Variants in FXR2 observed in about 807,000 individuals in gnomAD.
The protein encoded by FXR2 is RNA-binding protein FXR2.
In FXR2, 9 loss-of-function variants were observed where a neutral mutation model predicts 87.3. The ratio of observed to expected loss-of-function variants is 0.10; its 90% CI spans 0.06 to 0.18. The LOEUF is 0.18. FXR2 is among the 10% of genes least tolerant of loss of function. FXR2 has a pLI of 1.00. For missense variants in FXR2, 661 were observed against 893.6 expected, an observed-to-expected ratio of 0.74 and a Z score of 3.32; for synonymous variants, 331 against 328.3, an observed-to-expected ratio of 1.01 and a Z score of -0.09.
rs1246138079 is a variant in FXR2 at position 7,593,087 on chromosome 17, G to C, written c.1425C>G (p.Thr475=). 6.3e-7 allele frequency: 1 copy of C among 1,593,158 alleles called. No homozygotes were observed. The highest frequency in any genetic ancestry group is 1.1e-5 in the South Asian group (1 of 88,394). The change falls in exon 13 of 17, where the codon ACC becomes ACG. Residue 475 remains threonine (T), a synonymous_variant. Transcript: ENST00000250113. The surrounding 1 kb of genome is among the most constrained non-coding windows in gnomAD (Gnocchi z 6.1). ...GCCGCCTCCGGCTTTCTTCCCCTCG[G>C]GTTGGGGGATCCCTGTCGCCAGGCC... The part of the protein sequence containing the change: ...RAGPGDRDPP[T]RGEESRRRPT...
At chr17:7,602,150 G>C (rs574746133) in intron 6 of FXR2, among the ~76,000 whole-genome samples, 1 of 152,272 alleles carries the variant, frequency 6.6e-6, no homozygotes, top group Middle Eastern at 3.4e-3. Flanking sequence ...GAGGCCGGGC[G>C]TGGTGGCTCA....
intron 6 of FXR2, 134 bp downstream of exon 6, chr17:7,602,775 T>A: frequency 1.7e-6 from 1 of 578,070 alleles, no homozygotes; most frequent in Non-Finnish European, 3.1e-6. Flanking sequence ...CCTGTAGGAG[T>A]CAGGAGCAAT....
At chr17:7,602,279 G>C (rs965153728) in intron 6 of FXR2, among the ~76,000 whole-genome samples, 1 of 150,402 alleles carries the variant, frequency 6.6e-6, no homozygotes, top group Admixed American at 6.6e-5. Flanking sequence ...AAAATTAGCC[G>C]GGCATGTCGG....
At position 7,593,071 on chromosome 17, in the gene FXR2, G is replaced by A. The variant is rs766691490; in HGVS notation, c.1441C>T (p.Arg481Trp). The A allele has an allele frequency of 1.1e-5, 17 of 1,591,198 alleles. No individual in the cohort carries two copies. The highest frequency in any genetic ancestry group is 9.0e-5 in the East Asian group (4 of 44,654). Residue 481 changes from arginine to tryptophan, a missense_variant, in exon 13 of 17, where the codon CGG (arginine) becomes TGG (tryptophan). By Grantham distance (101) the Arg-to-Trp change is moderately radical. This residue lies in a region of FXR2 where 409 missense variants were observed against 432.0 expected (regional missense o/e 0.95). Transcript: ENST00000250113. The surrounding 1 kb of genome is among the most constrained non-coding windows in gnomAD (Gnocchi z 6.1). ...CCCCGGCCCCCAGTCGGCCGCCTCC[G>A]GCTTTCTTCCCCTCGGGTTGGGGGA... is the stretch of plus-strand genomic sequence containing the variant. ...RDPPTRGEES[R>W]RRPTGGRGRG...
chr17:7,609,992 A>ATGCATATGTATACATATATATACG (rs2071845064), intron 1 of FXR2, among the ~76,000 whole-genome samples: 1 of 140,004 alleles, frequency 7.1e-6, no homozygotes, highest in African/African-American at 2.6e-5. Context: ...ATATATATAC[A>ATGCATATGTATACATATATATACG]TGTATATGTA....
At position 7,591,861 on chromosome 17, in the gene FXR2, T is replaced by A; in HGVS notation, c.1991A>T (p.Glu664Val). The change falls in exon 17 of 17, where the codon GAG becomes GTG. Residue 664 changes from glutamate to valine, a missense_variant. By Grantham distance (121) the Glu-to-Val change is moderately radical. Coordinates refer to ENST00000250113, the MANE Select transcript of FXR2 (RefSeq NM_004860.4). The surrounding 1 kb of genome is among the most constrained non-coding windows in gnomAD (Gnocchi z 4.0). ...SENGELSAPLELGSMVNGVS is the reference protein window; with the variant it reads ...SENGELSAPLVLGSMVNGVS ...AACCCCATTCACCATACTACCCAAC[T>A]CCAAGGGGGCGGAGAGCTCCCCATT... The A allele has an allele frequency of 6.2e-7, 1 of 1,601,670 alleles. No homozygotes were observed.
chr17:7,593,482 G>C lies in FXR2; in HGVS notation c.1251C>G (p.Ser417=), dbSNP rs1399357685. 6.3e-7 allele frequency: 1 copy of C among 1,588,898 alleles called. No individual in the cohort carries two copies. Among genetic ancestry groups the C allele is most frequent in the Non-Finnish European group, 8.6e-7 (1 of 1,169,072 alleles). The stretch of plus-strand genomic sequence containing the variant: ...CATAGGTTCGAGTCGCATGGAGGGA[G>C]GAGGAGGAGCTCTCATCAGTGCTAT... ...AGYSTDESSS[S]SLHATRTYGG... The change falls in exon 12 of 17, where the codon TCC becomes TCG. Residue 417 remains serine (S), a synonymous_variant. Transcript: ENST00000250113. The surrounding 1 kb of genome is among the most constrained non-coding windows in gnomAD (Gnocchi z 6.1).
Position 7,593,939 on chromosome 17 carries a change from C to A in FXR2, c.1086G>T (p.Glu362Asp). The A allele has an allele frequency of 6.2e-7, 1 of 1,610,470 alleles. No individual in the cohort carries two copies. Among genetic ancestry groups the A allele is most frequent in the Non-Finnish European group, 8.5e-7 (1 of 1,176,708 alleles). Residue 362 changes from glutamate (E) to aspartate (D), a missense_variant, in exon 11 of 17, where the codon GAG (glutamate) becomes GAT (aspartate). Coordinates refer to ENST00000250113, the MANE Select transcript of FXR2 (RefSeq NM_004860.4). The surrounding 1 kb of genome is among the most constrained non-coding windows in gnomAD (Gnocchi z 6.1). ...ENISNAQALL[E>D]YHLSYLQEVE... Reference sequence around the variant, plus strand: ...GTACCTGCAGGTAGGAGAGGTGATACTCCAGCAAAGCCTGGGCATTGCTGA... The same window carrying A: ...GTACCTGCAGGTAGGAGAGGTGATAATCCAGCAAAGCCTGGGCATTGCTGA...
At chr17:7,603,457 G>A (rs1446747017) in intron 5 of FXR2, among the ~76,000 whole-genome samples, 5 of 151,360 alleles carry the variant, frequency 3.3e-5, no homozygotes, top group Admixed American at 1.3e-4. Context: ...AACCTAGGAG[G>A]TGGAGGTTGC....
chr17:7,613,953 G>C lies in FXR2; in HGVS notation c.81+499C>G, dbSNP rs146024104. 2.3e-5 allele frequency: 10 copies of C among 436,278 alleles called. No individual in the cohort carries two copies. In the Admixed American group the frequency reaches 2.5e-4, roughly 11 times the overall value. The allele number at this position is 436,278 out of a possible 1,614,324, so 27.0% of individuals were successfully genotyped here. A position where few individuals can be genotyped will look rare whatever the true frequency, so the allele number is the denominator to read the frequency against. The stretch of plus-strand genomic sequence containing the variant: ...TGGCTTGGGAACCGGAATATAAGAT[G>C]AAAGTGGGGTGAGTGTTCCAGAGCC... On this transcript the variant is annotated intron_variant, in intron 1 of 16. Coordinates refer to ENST00000250113, the MANE Select transcript of FXR2 (RefSeq NM_004860.4).
Position 7,592,972 on chromosome 17 carries a change from G to A in FXR2, c.1528+12C>T. On this transcript the variant is annotated intron_variant, in intron 13 of 16. Transcript: ENST00000250113. This position sits in a 1 kb window ranked among gnomAD's most constrained non-coding sequence, Gnocchi z 4.8. ...CTTTTGGCCCATATTCATGAACCCA[G>A]CTGTCTGGTACCTGAGCTAATAGAT... 2 of 1,557,894 alleles carry A rather than the reference G, an allele frequency of 1.3e-6. No homozygotes were observed. The highest frequency in any genetic ancestry group is 8.7e-7 in the Non-Finnish European group (1 of 1,153,808).
Position 7,593,742 on chromosome 17 carries a change from A to G in FXR2, c.1108-117T>C. 1.2e-6 allele frequency: 1 copy of G among 847,954 alleles called. No homozygotes were observed. The allele number at this position is 847,954 out of a possible 1,614,324, so 52.5% of individuals were successfully genotyped here. ...ACCTCTCAGGAATGCAGGGAGAAGG[A>G]AGACACTGGCTAAACAAGGAAAATT... is the stretch of plus-strand genomic sequence containing the variant. On this transcript the variant is annotated intron_variant, in intron 11 of 16. Coordinates refer to ENST00000250113, the MANE Select transcript of FXR2 (RefSeq NM_004860.4). The surrounding 1 kb of genome is among the most constrained non-coding windows in gnomAD (Gnocchi z 6.1).
intron 1 of FXR2, chr17:7,614,018 T>C: frequency 4.4e-6 from 2 of 458,362 alleles, no homozygotes; most frequent in Non-Finnish European, 8.7e-6. Flanking sequence ...AAAGGATCTT[T>C]TACGGGACAG....
At chr17:7,603,623 A>G in intron 5 of FXR2, 134 bp downstream of exon 5, 1 of 700,366 alleles carries the variant, frequency 1.4e-6, no homozygotes, top group East Asian at 2.6e-5. Context: ...GTGTCTTCTT[A>G]GCAAGAAGGG....
In FXR2 at chr17:7,593,274, C is replaced by T; in HGVS notation, c.1331-93G>A. 8.1e-7 allele frequency: 1 copy of T among 1,234,808 alleles called. No individual in the cohort carries two copies. Among genetic ancestry groups the T allele is most frequent in the Non-Finnish European group, 1.1e-6 (1 of 897,382 alleles). The allele number at this position is 1,234,808 out of a possible 1,614,324, so 76.5% of individuals were successfully genotyped here. A position where few individuals can be genotyped will look rare whatever the true frequency, so the allele number is the denominator to read the frequency against. ...CTGGAAGAATTCTCCTTCTCACTCA[C>T]AAGCCTCCCAGCCAATCAATCACTT... On this transcript the variant is annotated intron_variant, in intron 12 of 16. Transcript: ENST00000250113. The surrounding 1 kb of genome is among the most constrained non-coding windows in gnomAD (Gnocchi z 6.1).
At chr17:7,614,104 G>C (rs189746071) in intron 1 of FXR2, 1 of 527,426 alleles carries the variant, frequency 1.9e-6, no homozygotes, top group Non-Finnish European at 3.6e-6. Context: ...ATGTGATTAA[G>C]GTCTAAGGTA....
chr17:7,599,085 G>A (rs1022507305), intron 7 of FXR2, among the ~76,000 whole-genome samples: 1 of 151,516 alleles, frequency 6.6e-6, no homozygotes, highest in African/African-American at 2.4e-5. Context: ...TGCAGGGAGC[G>A]GAGATTGTGC....
chr17:7,594,053 G>C lies in FXR2; in HGVS notation c.1021-49C>G. On this transcript the variant is annotated intron_variant, in intron 10 of 16. Coordinates refer to ENST00000250113, the MANE Select transcript of FXR2 (RefSeq NM_004860.4). This position sits in a 1 kb window ranked among gnomAD's most constrained non-coding sequence, Gnocchi z 5.1. ...ATGGATCAGAAAGGAAAATGAAATGGAAGGATTAACGCCGCCCAGTCTCCT... is the reference window on the plus strand; with the variant it reads ...ATGGATCAGAAAGGAAAATGAAATGCAAGGATTAACGCCGCCCAGTCTCCT... The C allele has an allele frequency of 1.6e-6, 2 of 1,279,744 alleles. No individual in the cohort carries two copies. Among genetic ancestry groups the C allele is most frequent in the Non-Finnish European group, 2.3e-6 (2 of 874,720 alleles). The allele number at this position is 1,279,744 out of a possible 1,614,324, so 79.3% of individuals were successfully genotyped here.
At chr17:7,604,891 T>G (rs1007715406) in intron 3 of FXR2, among the ~76,000 whole-genome samples, 45 of 151,514 alleles carry the variant, frequency 3.0e-4, no homozygotes, top group Non-Finnish European at 6.2e-4. Context: ...CCAGCTAATT[T>G]TTTGTATTTT....
Sources: allele counts gnomAD v4.1 joint callset (sites outside exome capture counted in the v4.1 genomes callset), GRCh38; gene constraint gnomAD v4.1.1; regional missense constraint gnomAD v4.1.1; non-coding constraint Gnocchi (gnomAD v3.1); transcripts MANE v1.5; gene names NCBI Gene and HGNC (gene_info 2026-07-23, HGNC 2026-07-21).